The following CCT5 variants were observed in gnomAD, a reference collection of about 807,000 sequenced individuals.
CCT5 encodes T-complex protein 1 subunit epsilon.
A neutral mutation model predicts 55.0 loss-of-function variants in CCT5; 6 were observed. The observed-to-expected ratio is 0.11, with a 90% CI of 0.06 to 0.22. The LOEUF (loss-of-function observed/expected upper bound fraction) is 0.22, where lower values mean the gene tolerates loss of function less well. Ranked by LOEUF, CCT5 falls within the 10% of genes least tolerant of loss-of-function variation. CCT5 has a pLI of 1.00. For missense variants in CCT5, 560 were observed against 694.6 expected, an observed-to-expected ratio of 0.81 and a Z score of 2.18; for synonymous variants, 231 against 243.7, an observed-to-expected ratio of 0.95 and a Z score of 0.49.
At position 10,265,116 on chromosome 5, in the gene CCT5, T is replaced by C. The variant is rs1746156521; in HGVS notation, c.*333T>C. On this transcript the variant is annotated 3_prime_UTR_variant, in exon 11 of 11. Transcript: ENST00000280326. Reference sequence around the variant, plus strand: ...TGGATTTTTTTTTCTCAAAATAAGCTGTAGGGACTATTTTAACAGCTTAAA... The same window carrying C: ...TGGATTTTTTTTTCTCAAAATAAGCCGTAGGGACTATTTTAACAGCTTAAA... The C allele has an allele frequency of 3.4e-6, 1 of 292,554 alleles. No homozygotes were observed. The highest frequency in any genetic ancestry group is 2.2e-5 in the African/African-American group (1 of 44,918). 18.1% of individuals were successfully genotyped at this position (292,554 alleles called of 1,614,324 possible).
Position 10,261,654 on chromosome 5 carries a change from C to T in CCT5, c.1088C>T (p.Ser363Leu), listed in dbSNP as rs747585890. 9.3e-6 allele frequency: 15 copies of T among 1,613,954 alleles called. No homozygotes were observed. Among genetic ancestry groups the T allele is most frequent in the Non-Finnish European group, 1.2e-5 (14 of 1,179,960 alleles). ...LGFAGLVQEISFGTTKDKMLV... is the reference protein window; with the variant it reads ...LGFAGLVQEILFGTTKDKMLV... The stretch of plus-strand genomic sequence containing the variant: ...TTTGCTGGTCTTGTACAGGAGATCT[C>T]ATTTGGGACAACTAAGGATAAAATG... Residue 363 changes from serine (S) to leucine (L), a missense_variant, in exon 8 of 11, where the codon TCA becomes TTA. By Grantham distance (145) the Ser-to-Leu change is moderately radical. Around this residue, in one of 4 missense-constraint regions of CCT5, gnomAD observed 256 missense variants for 372.4 expected, o/e 0.69. Coordinates refer to ENST00000280326, the MANE Select transcript of CCT5 (RefSeq NM_012073.5).
chr5:10,259,878 A>C (rs6876282), intron 6 of CCT5, among the ~76,000 whole-genome samples: 112,203 of 151,956 alleles, frequency 0.74, 43,625 homozygotes, highest in East Asian at 0.87. Context: ...GGGAATGACG[A>C]TGGGGCTAGA....
rs960874318 is a variant in CCT5 at position 10,265,856 on chromosome 5, C to CT, written c.*1076dup. ...TTGTGATGATAAAGCTCATGATGAA[C>CT]TTTATCACTAGTTATGCCACCTTAA... On this transcript the variant is annotated 3_prime_UTR_variant, in exon 11 of 11. Transcript: ENST00000280326. 4.6e-5 allele frequency: 7 copies of CT among 152,080 alleles called. No homozygotes were observed. The highest frequency in any genetic ancestry group is 1.7e-4 in the African/African-American group (7 of 41,414). The allele number at this position is 152,080 out of a possible 1,614,324, so 9.4% of individuals were successfully genotyped here. A position where few individuals can be genotyped will look rare whatever the true frequency, so the allele number is the denominator to read the frequency against.
rs763380515 is a variant in CCT5 at position 10,263,321 on chromosome 5, A to C, written c.1498+7A>C. The C allele has an allele frequency of 1.3e-6, 2 of 1,583,688 alleles. No individual in the cohort carries two copies. The highest frequency in any genetic ancestry group is 1.7e-6 in the Non-Finnish European group (2 of 1,168,204). On this transcript the variant is annotated splice_region_variant and intron_variant, in intron 10 of 10. Transcript: ENST00000280326. ...TTGCACAAGGGGACAAATGGTGAGG[A>C]GCTGTCACGCCTCTGCGTGGAGGGG...
chr5:10,255,801 T>G (rs1392861747), intron 3 of CCT5, among the ~76,000 whole-genome samples, 154 bp from the exon 4 acceptor site: 1 of 152,252 alleles, frequency 6.6e-6, no homozygotes, highest in African/African-American at 2.4e-5. Flanking sequence ...AACGAGGCTT[T>G]CTTTTAAAAA....
Position 10,250,323 on chromosome 5 carries a change from A to C in CCT5, c.-18A>C. 1 of 1,613,916 alleles carries C rather than the reference A, an allele frequency of 6.2e-7. No homozygotes were observed. Among genetic ancestry groups the C allele is most frequent in the Non-Finnish European group, 8.5e-7 (1 of 1,180,034 alleles). On this transcript the variant is annotated 5_prime_UTR_variant, in exon 1 of 11. Transcript: ENST00000280326. The stretch of plus-strand genomic sequence containing the variant: ...CGGTCTCCGCCGGTTGGGGGGAAGT[A>C]ATTCCGGTTGTTGCACCATGGCGTC...
intron 4 of CCT5, among the ~76,000 whole-genome samples, chr5:10,256,638 G>A (rs888934397): frequency 3.3e-5 from 5 of 149,834 alleles, no homozygotes; most frequent in Non-Finnish European, 7.4e-5. Context: ...AGCAAGCCAT[G>A]ATCATGCCAC....
chr5:10,256,730 T>C (rs1332005698), intron 4 of CCT5, among the ~76,000 whole-genome samples: 9 of 150,910 alleles, frequency 6.0e-5, no homozygotes, highest in African/African-American at 2.2e-4. Flanking sequence ...ACCTGGAGGA[T>C]ATGTGAATTT....
At chr5:10,258,779 C>T (rs963734552) in intron 6 of CCT5, among the ~76,000 whole-genome samples, 3 of 152,172 alleles carry the variant, frequency 2.0e-5, no homozygotes, top group Admixed American at 1.3e-4. Context: ...GCAGGCAGAT[C>T]GTGAGATCAT....
intron 1 of CCT5, among the ~76,000 whole-genome samples, chr5:10,252,973 GAAA>G (rs763053311): frequency 6.8e-6 from 1 of 146,734 alleles, no homozygotes; most frequent in Admixed American, 6.8e-5. Context: ...AGCTAAATGT[GAAA>G]AAAAAAACAG....
rs1343129222 is a variant in CCT5, at chr5:10,265,546, T to A, written c.*763T>A. 6.6e-6 allele frequency: 1 copy of A among 152,314 alleles called. No individual in the cohort carries two copies. The highest frequency in any genetic ancestry group is 1.9e-4 in the East Asian group (1 of 5,174). The allele number at this position is 152,314 out of a possible 1,614,324, so 9.4% of individuals were successfully genotyped here. Reference sequence around the variant, plus strand: ...CATGTTCAGATAGAGTGACTGAAATTAATTGTACTTACTAAAGTATTAACT... The same window carrying A: ...CATGTTCAGATAGAGTGACTGAAATAAATTGTACTTACTAAAGTATTAACT... On this transcript the variant is annotated 3_prime_UTR_variant, in exon 11 of 11. Coordinates refer to ENST00000280326, the MANE Select transcript of CCT5 (RefSeq NM_012073.5).
At chr5:10,250,571 C>G in intron 1 of CCT5, 126 bp downstream of exon 1, 3 of 1,509,202 alleles carry the variant, frequency 2.0e-6, no homozygotes, top group Middle Eastern at 2.4e-4. Flanking sequence ...ATCTCCGTCT[C>G]CCTGCGGTCT....
chr5:10,262,089 A>C (rs1745993680), intron 8 of CCT5: 3 of 394,374 alleles, frequency 7.6e-6, no homozygotes, highest in African/African-American at 4.1e-5. Context: ...TAGCAACATA[A>C]GACTCATTTT....
chr5:10,264,024 G>A (rs1384346989), intron 10 of CCT5, among the ~76,000 whole-genome samples: 1 of 152,190 alleles, frequency 6.6e-6, no homozygotes, highest in Non-Finnish European at 1.5e-5. Context: ...TGTAATCCCA[G>A]CACTTTAGGA....
intron 4 of CCT5, among the ~76,000 whole-genome samples, chr5:10,256,513 G>A (rs1745688440): frequency 2.6e-5 from 4 of 152,100 alleles, no homozygotes; most frequent in Admixed American, 2.0e-4. Flanking sequence ...CTCAGGAATT[G>A]AAGACCAGCC....
rs141133834 is a variant in CCT5 at position 10,250,426 on chromosome 5, T to C, written c.86T>C (p.Met29Thr). 3.6e-4 allele frequency: 581 copies of C among 1,613,692 alleles called. 1 individual carries two copies. The highest frequency in any genetic ancestry group is 4.7e-4 in the Non-Finnish European group (559 of 1,180,012). The change falls in exon 1 of 11, where the codon ATG (methionine) becomes ACG (threonine). Residue 29 changes from methionine to threonine, a missense_variant. Physicochemically the swap from Met to Thr is moderately conservative, Grantham distance 81. Around this residue, in one of 4 missense-constraint regions of CCT5, gnomAD observed 137 missense variants for 181.9 expected, o/e 0.75. Transcript: ENST00000280326. ...GATCAGGACCGCAAGTCCCGTCTTA[T>C]GGGACTTGAGGCCCTCAAGGTAATG... ...IKDQDRKSRL[M>T]GLEALKSHIM...
At chr5:10,250,060 A>T, upstream of CCT5, 1 of 1,540,500 alleles carries the variant, frequency 6.5e-7, no homozygotes, top group South Asian at 1.2e-5. Flanking sequence ...CGTTTTAAAA[A>T]ATGACAAATT....
In CCT5 at chr5:10,250,330, G is replaced by A. The variant is rs371943421; in HGVS notation, c.-11G>A. 2.5e-6 allele frequency: 4 copies of A among 1,613,898 alleles called. No homozygotes were observed. In the African/African-American group the frequency reaches 4.0e-5, roughly 16 times the overall value. ...CGCCGGTTGGGGGGAAGTAATTCCG[G>A]TTGTTGCACCATGGCGTCCATGGGG... On this transcript the variant is annotated 5_prime_UTR_variant, in exon 1 of 11. Transcript: ENST00000280326.
Position 10,264,893 on chromosome 5 carries a change from A to G in CCT5, c.*110A>G. 13 of 1,401,318 alleles carry G rather than the reference A, an allele frequency of 9.3e-6. No individual in the cohort carries two copies. The highest frequency in any genetic ancestry group is 1.3e-5 in the Non-Finnish European group (13 of 1,007,818). 86.8% of individuals were successfully genotyped at this position (1,401,318 alleles called of 1,614,324 possible). ...TTACATCCTTTTCCAGACACTGTAG[A>G]TGCTATAATAAAAATAGCTGTTTGG... is the stretch of plus-strand genomic sequence containing the variant. On this transcript the variant is annotated 3_prime_UTR_variant, in exon 11 of 11. Coordinates refer to ENST00000280326, the MANE Select transcript of CCT5 (RefSeq NM_012073.5).
Sources: gnomAD v4.1 joint callset for allele counts (sites outside exome capture counted in the v4.1 genomes callset) on GRCh38, gnomAD v4.1.1 for gene constraint, gnomAD v4.1.1 regional missense constraint, MANE v1.5 for transcripts, NCBI Gene and HGNC (gene_info 2026-07-23, HGNC 2026-07-21) for gene names.